THADA: variants seen among roughly 807,000 people sequenced by gnomAD.
The protein encoded by THADA is tRNA (32-2'-O)-methyltransferase regulator THADA.
A neutral mutation model predicts 219.8 loss-of-function variants in THADA; 213 were observed. That is an observed-to-expected ratio of 0.97 (90% CI 0.87 to 1.09). The LOEUF is 1.09. Among genes scored for constraint, THADA ranks in the 50% least tolerant of loss-of-function variants. THADA has a pLI of 0.00. For missense variants in THADA, 2,956 were observed against 2,311.3 expected (o/e 1.28, Z -5.72); for synonymous variants, 1,018 against 828.9 (o/e 1.23, Z -3.92).
chr2:43,403,675 C>T (rs1022616739), intron 28 of THADA, among the ~76,000 whole-genome samples: 3 of 152,112 alleles, frequency 2.0e-5, no homozygotes, highest in African/African-American at 4.8e-5. Flanking sequence ...TCAGGTGAGG[C>T]TATACCATAT....
chr2:43,302,104 G>C (rs1676332796), intron 31 of THADA, among the ~76,000 whole-genome samples: 1 of 151,958 alleles, frequency 6.6e-6, no homozygotes, highest in South Asian at 2.1e-4. Context: ...CTAGGCTCAA[G>C]TGATCCTCCC....
At chr2:43,474,647 A>G (rs1360258945) in intron 26 of THADA, among the ~76,000 whole-genome samples, 1 of 151,780 alleles carries the variant, frequency 6.6e-6, no homozygotes, top group African/African-American at 2.4e-5. Flanking sequence ...GGCTTTGCTT[A>G]TAGGGGGCAA....
At chr2:43,534,005 T>C (rs919097681) in intron 21 of THADA, among the ~76,000 whole-genome samples, 11 of 152,160 alleles carry the variant, frequency 7.2e-5, no homozygotes, top group South Asian at 4.1e-4. Flanking sequence ...TTTAGTAATA[T>C]GGATGAATAT....
chr2:43,457,250 CCTACTCACACATAATAAGA>C (rs1160747333), intron 26 of THADA, among the ~76,000 whole-genome samples: 3 of 151,296 alleles, frequency 2.0e-5, no homozygotes, highest in African/African-American at 7.3e-5. Context: ...CTCTCACTCT[CCTACTCACACATAATAAGA>C]TACCAATATT....
Position 43,556,565 on chromosome 2 carries a change from A to G in THADA, c.2464-10T>C. On this transcript the variant is annotated splice_polypyrimidine_tract_variant and intron_variant, in intron 16 of 37. Transcript: ENST00000405975. ...GCAGTTTCCCCGAATCCTAGAATAA[A>G]GCGCAGACTCAGTAACTGTCAAATT... The G allele has an allele frequency of 6.2e-7, 1 of 1,611,030 alleles. No individual in the cohort carries two copies. Among genetic ancestry groups the G allele is most frequent in the Non-Finnish European group, 8.5e-7 (1 of 1,178,338 alleles).
At chr2:43,553,344 C>A (rs1454663817) in intron 17 of THADA, among the ~76,000 whole-genome samples, 2 of 152,044 alleles carry the variant, frequency 1.3e-5, no homozygotes, top group Non-Finnish European at 2.9e-5. Flanking sequence ...ATGTGATAAT[C>A]GAAGATGGAG....
intron 29 of THADA, among the ~76,000 whole-genome samples, chr2:43,362,751 T>C (rs376448322): frequency 1.4e-4 from 21 of 152,358 alleles, no homozygotes; most frequent in African/African-American, 4.8e-4. Context: ...CCTTATCAAC[T>C]TTAAATTTTT....
chr2:43,314,483 G>T (rs990985049), intron 31 of THADA, among the ~76,000 whole-genome samples: 1 of 152,164 alleles, frequency 6.6e-6, no homozygotes, highest in Non-Finnish European at 1.5e-5. Context: ...ATTTTAAGGG[G>T]TGTGGGCATA....
chr2:43,231,257 G>A lies in THADA; in HGVS notation c.5553C>T (p.Leu1851=). The part of the protein sequence containing the change: ...LIFVKYLCKH[L]FCLLSKSGWR... The stretch of plus-strand genomic sequence containing the variant: ...AGCCGGACTTTGAGAGGAGACAGAA[G>A]AGGTGCTTGCAGAGGTATTTCACAA... Residue 1851 remains leucine, a synonymous_variant, in exon 38 of 38, where the codon CTC becomes CTT. Transcript: ENST00000405975. The A allele has an allele frequency of 6.2e-7, 1 of 1,612,648 alleles. No homozygotes were observed. The highest frequency in any genetic ancestry group is 8.5e-7 in the Non-Finnish European group (1 of 1,179,466).
At chr2:43,543,927 T>C (rs1315104936) in intron 20 of THADA, among the ~76,000 whole-genome samples, 3 of 152,058 alleles carry the variant, frequency 2.0e-5, no homozygotes, top group Non-Finnish European at 4.4e-5. Flanking sequence ...TTTGGTGTTT[T>C]AGACATGAAG....
chr2:43,406,636 G>C (rs1675569914), intron 28 of THADA, among the ~76,000 whole-genome samples: 1 of 152,188 alleles, frequency 6.6e-6, no homozygotes, highest in Non-Finnish European at 1.5e-5. Flanking sequence ...TACATACAAA[G>C]ACATTGGGAG....
At chr2:43,433,100 T>G (rs929454221) in intron 26 of THADA, among the ~76,000 whole-genome samples, 3 of 152,186 alleles carry the variant, frequency 2.0e-5, no homozygotes, top group African/African-American at 7.2e-5. Context: ...GCTTTTACAT[T>G]GAGGTCTATG....
chr2:43,284,851 C>T (rs1673798373), intron 35 of THADA, among the ~76,000 whole-genome samples: 1 of 152,232 alleles, frequency 6.6e-6, no homozygotes, highest in African/African-American at 2.4e-5. Context: ...TTTGGGAGCC[C>T]ACTCCCTGCA....
chr2:43,255,557 GC>G (rs1339730390), intron 36 of THADA, among the ~76,000 whole-genome samples: 1 of 152,162 alleles, frequency 6.6e-6, no homozygotes, highest in African/African-American at 2.4e-5. Context: ...AAGGGATTGG[GC>G]CCCCCAGAAC....
At chr2:43,317,913 T>C (rs1184371799) in intron 31 of THADA, among the ~76,000 whole-genome samples, 1 of 152,238 alleles carries the variant, frequency 6.6e-6, no homozygotes, top group African/African-American at 2.4e-5. Flanking sequence ...TACTGTAATG[T>C]ACCTTTTGGG....
chr2:43,263,617 C>T (rs111944512), intron 36 of THADA, among the ~76,000 whole-genome samples: 2,830 of 152,316 alleles, frequency 0.019, 61 homozygotes, highest in African/African-American at 0.061. Context: ...GTTTCTCTCT[C>T]CCCACATTCC....
At chr2:43,521,267 T>C (rs1692442975) in intron 22 of THADA, among the ~76,000 whole-genome samples, 1 of 150,252 alleles carries the variant, frequency 6.7e-6, no homozygotes, top group African/African-American at 2.5e-5. Flanking sequence ...CAAAAAGAGG[T>C]AGGGAGGGCC....
intron 20 of THADA, among the ~76,000 whole-genome samples, chr2:43,548,377 G>A (rs1696325579): frequency 1.3e-5 from 2 of 152,224 alleles, no homozygotes; most frequent in Non-Finnish European, 2.9e-5. Flanking sequence ...TGTGCTGGGA[G>A]AACCGCTGCT....
intron 25 of THADA, 29 bp downstream of exon 25, chr2:43,498,804 C>A: frequency 6.2e-7 from 1 of 1,603,154 alleles, no homozygotes; most frequent in Non-Finnish European, 8.5e-7. Flanking sequence ...ATAATTAAAT[C>A]AATGAAAATA....
Sources: gnomAD v4.1 joint callset for allele counts (sites outside exome capture counted in the v4.1 genomes callset) on GRCh38, gnomAD v4.1.1 for gene constraint, MANE v1.5 for transcripts, NCBI Gene and HGNC (gene_info 2026-07-23, HGNC 2026-07-21) for gene names.